HLA-C: variants seen among roughly 807,000 people sequenced by gnomAD.
HLA-C encodes the protein major histocompatibility complex, class I, C.
In HLA-C, 15 loss-of-function variants were observed where a neutral mutation model predicts 36.9. The ratio of observed to expected loss-of-function variants is 0.41; its 90% CI spans 0.27 to 0.63. HLA-C has a LOEUF of 0.63. Among genes scored for constraint, HLA-C ranks in the 20% least tolerant of loss-of-function variants. HLA-C has a pLI of 0.35. For synonymous variants in HLA-C, 104 were observed against 174.3 expected (o/e 0.60, Z 3.18); for missense variants, 272 against 400.4 (o/e 0.68, Z 2.74).
At chr6:31,271,941 C>G (rs780144545) in intron 1 of HLA-C, 58 bp downstream of exon 1, 2 of 1,117,380 alleles carry the variant, frequency 1.8e-6, no homozygotes, top group Non-Finnish European at 2.4e-6. Flanking sequence ...GCGCCCTCGC[C>G]GGGAGGGCCC....
At chr6:31,271,269 G>A in exon 3 of HLA-C, 1 of 1,214,012 alleles carries the variant, frequency 8.2e-7, no homozygotes, top group Non-Finnish European at 1.1e-6. Flanking sequence ...TGCCGTCGTA[G>A]GCGGACTGGT....
At chr6:31,271,403 A>G in intron 2 of HLA-C, 55 bp from the exon 3 acceptor site, 1 of 828,006 alleles carries the variant, frequency 1.2e-6, no homozygotes, top group Non-Finnish European at 1.6e-6. Flanking sequence ...CGCCCCGACC[A>G]ACCCGCGGGG....
At chr6:31,271,377 C>CT in intron 2 of HLA-C, 29 bp from the exon 3 acceptor site, 1 of 872,634 alleles carries the variant, frequency 1.1e-6, no homozygotes, top group Non-Finnish European at 1.5e-6. Flanking sequence ...TCAGCCCAGT[C>CT]CCCCGAGCCC....
At position 31,270,645 on chromosome 6, in the gene HLA-C, C is replaced by T. The variant is rs769462605; in HGVS notation, c.620-160G>A. 2 of 485,130 alleles carry T rather than the reference C, an allele frequency of 4.1e-6. 1 individual carries two copies. 30.1% of individuals were successfully genotyped at this position (485,130 alleles called of 1,614,324 possible). A position where few individuals can be genotyped will look rare whatever the true frequency, so the allele number is the denominator to read the frequency against. Reference sequence around the variant, plus strand: ...GGACACAGGCACCTGGGATAATCTCCTATTCATTGGAAAGTTCTAGTCTCT... The same window carrying T: ...GGACACAGGCACCTGGGATAATCTCTTATTCATTGGAAAGTTCTAGTCTCT... On this transcript the variant is annotated intron_variant, in intron 3 of 7. Coordinates refer to ENST00000376228, the Ensembl canonical transcript of HLA-C.
chr6:31,268,921 A>G lies in HLA-C; in HGVS notation c.*248T>C, dbSNP rs540241542. ...GCTCAGTGCACCATGAATTTGAGAC[A>G]GAGATGGAGACATCCAGCCCCACCT... On this transcript the variant is annotated 3_prime_UTR_variant, in exon 8 of 8. Coordinates refer to ENST00000376228, the Ensembl canonical transcript of HLA-C. The G allele has an allele frequency of 3.6e-4, 97 of 272,498 alleles. 6 individuals carry two copies. In the South Asian group the frequency reaches 7.6e-3, roughly 21 times the overall value. 16.9% of individuals were successfully genotyped at this position (272,498 alleles called of 1,614,324 possible).
chr6:31,271,276 T>A, exon 3 of HLA-C: 1 of 1,198,698 alleles, frequency 8.3e-7, no homozygotes, highest in Non-Finnish European at 1.1e-6. Context: ...GTAGGCGGAC[T>A]GGTCATACCC....
intron 1 of HLA-C, 41 bp downstream of exon 1, chr6:31,271,958 C>G (rs775190787): frequency 1.8e-6 from 2 of 1,095,482 alleles, no homozygotes; most frequent in Admixed American, 2.9e-5. Context: ...GCCCCTCGCT[C>G]CTCTCCGCAG....
chr6:31,271,412 G>A, intron 2 of HLA-C, 64 bp from the exon 3 acceptor site: 1 of 829,108 alleles, frequency 1.2e-6, no homozygotes, highest in East Asian at 6.2e-5. Context: ...CAACCCGCGG[G>A]GATTTTGGCC....
In HLA-C at chr6:31,272,067, C is replaced by G. The variant is rs772484756; in HGVS notation, c.5G>C (p.Arg2Pro). 23 of 1,011,034 alleles carry G rather than the reference C, an allele frequency of 2.3e-5. 4 individuals carry two copies. The African/African-American group carries it at 3.7e-4, about 16-fold the overall frequency. The allele number at this position is 1,011,034 out of a possible 1,614,324, so 62.6% of individuals were successfully genotyped here. A position where few individuals can be genotyped will look rare whatever the true frequency, so the allele number is the denominator to read the frequency against. Residue 2 changes from arginine (R) to proline (P), a missense_variant, in exon 1 of 8, where the codon CGG becomes CCG. Physicochemically the swap from Arg to Pro is moderately radical, Grantham distance 103 (BLOSUM62 -2). This residue lies in a region of HLA-C where 26 missense variants were observed against 22.3 expected (regional missense o/e 1.17). Coordinates refer to ENST00000376228, the Ensembl canonical transcript of HLA-C. ...GAGGAGGGCTCGGGGCGCCATGACC[C>G]GCATCTCGGCCTCTGGGGAGAATGT...
Position 31,271,165 on chromosome 6 carries a change from G to T in HLA-C, c.527C>A (p.Ala176Glu), listed in dbSNP as rs2308590. The T allele has an allele frequency of 0.078, 69,220 of 890,794 alleles. 28,097 individuals are homozygous for T. Among genetic ancestry groups the T allele is most frequent in the South Asian group, 0.28 (14,751 of 52,622 alleles). The allele number at this position is 890,794 out of a possible 1,614,324, so 55.2% of individuals were successfully genotyped here. Residue 176 changes from alanine (A) to glutamate (E), a missense_variant, in exon 3 of 8, where the codon GCG becomes GAG. This residue lies in a region of HLA-C where 49 missense variants were observed against 93.9 expected (regional missense o/e 0.52). Coordinates refer to ENST00000376228, the Ensembl canonical transcript of HLA-C. Reference sequence around the variant, plus strand: ...CAGGTAGGCTCTCAGCTGCTCCGCCGCACGGGCCGCCTCCAACTTGCGCTG... The same window carrying T: ...CAGGTAGGCTCTCAGCTGCTCCGCCTCACGGGCCGCCTCCAACTTGCGCTG...
At chr6:31,271,719 ACGGCGCCCG>A in exon 2 of HLA-C, 6 of 1,505,686 alleles carry the variant, frequency 4.0e-6, no homozygotes, top group Admixed American at 3.8e-5. Flanking sequence ...TGCTCCACCC[ACGGCGCCCG>A]CGGCTCCCCT....
intron 3 of HLA-C, chr6:31,270,759 G>A (rs17884702): frequency 0.017 from 5,636 of 335,638 alleles, 992 homozygotes; most frequent in South Asian, 0.038. Flanking sequence ...CACATTGAGT[G>A]TGAGGCAGAG....
At chr6:31,269,672 T>C (rs68037221) in intron 5 of HLA-C, 147 bp from the exon 6 acceptor site, 21,585 of 321,158 alleles carry the variant, frequency 0.067, 8,497 homozygotes, top group Admixed American at 0.081. Context: ...GGGAAAGCAG[T>C]TGTGGGTTCT....
chr6:31,271,724 GCCCGCGGCT>G, exon 2 of HLA-C: 1 of 1,481,036 alleles, frequency 6.8e-7, no homozygotes, highest in Non-Finnish European at 9.1e-7. Context: ...CACCCACGGC[GCCCGCGGCT>G]CCCCTCTCGG....
chr6:31,270,904 TC>T lies in HLA-C; in HGVS notation c.619+168del, dbSNP rs1450592257. On this transcript the variant is annotated intron_variant, in intron 3 of 7. Transcript: ENST00000376228. ...CCTCAGAGACTTCATCCCTTAATTG[TC>T]CTAGAGAGCAGAGGGGGCCCTCAGA... 3.1e-5 allele frequency among the ~76,000 whole-genome samples: 2 copies of T among 65,266 alleles called. 1 individual carries two copies. The highest frequency in any genetic ancestry group is 5.6e-5 in the Non-Finnish European group (2 of 35,700). 42.8% of individuals were successfully genotyped at this position (65,266 alleles called of 152,430 possible). A position where few individuals can be genotyped will look rare whatever the true frequency, so the allele number is the denominator to read the frequency against.
rs2074493 is a variant in HLA-C, at chr6:31,271,999, A to G, written c.73T>C (p.Cys25Arg). 1.0e-6 allele frequency: 1 copy of G among 1,003,388 alleles called. No homozygotes were observed. The highest frequency in any genetic ancestry group is 1.6e-5 in the South Asian group (1 of 64,356). 62.2% of individuals were successfully genotyped at this position (1,003,388 alleles called of 1,614,324 possible). A position where few individuals can be genotyped will look rare whatever the true frequency, so the allele number is the denominator to read the frequency against. The change falls in exon 1 of 8, where the codon TGC (cysteine) becomes CGC (arginine). Residue 25 changes from cysteine (C) to arginine (R), a missense_variant and splice_region_variant. Cys to Arg is a radical substitution (Grantham distance 180). Around this residue, in one of 8 missense-constraint regions of HLA-C, gnomAD observed 26 missense variants for 22.3 expected, o/e 1.17. Transcript: ENST00000376228. ...GCTTCCCTCCCAACCCCGCACTCAC[A>G]GGCCCAGGTCTCGGTCAGGGCCAGG...
exon 2 of HLA-C, chr6:31,271,766 C>T (rs1050428): frequency 0.017 from 23,358 of 1,378,414 alleles, 1,782 homozygotes; most frequent in Admixed American, 0.04. Flanking sequence ...GCTGTCGAAC[C>T]GCACGAACTG....
chr6:31,271,298 G>A (rs281860460), exon 3 of HLA-C: 2 of 1,139,668 alleles, frequency 1.8e-6, no homozygotes, highest in Non-Finnish European at 1.2e-6. Flanking sequence ...CGGAGGAGGC[G>A]CCCGTCGGGC....
chr6:31,271,358 C>G lies in HLA-C; in HGVS notation c.344-10G>C, dbSNP rs72558146. The G allele has an allele frequency of 9.6e-4, 888 of 927,786 alleles. 53 individuals carry two copies. The East Asian group carries it at 0.012, about 13-fold the overall frequency. The allele number at this position is 927,786 out of a possible 1,614,324, so 57.5% of individuals were successfully genotyped here. ...TGGAGGGTGTGAGACCCTGGCCCCGCCCCCGCGGTCAGCCCAGTCCCCCGA... is the reference window on the plus strand; with the variant it reads ...TGGAGGGTGTGAGACCCTGGCCCCGGCCCCGCGGTCAGCCCAGTCCCCCGA... On this transcript the variant is annotated splice_polypyrimidine_tract_variant and intron_variant, in intron 2 of 7. Transcript: ENST00000376228.
Sources: gnomAD v4.1 joint callset for allele counts (sites outside exome capture counted in the v4.1 genomes callset) on GRCh38, gnomAD v4.1.1 for gene constraint, gnomAD v4.1.1 regional missense constraint, MANE v1.5 for transcripts, NCBI Gene and HGNC (gene_info 2026-07-23, HGNC 2026-07-21) for gene names.